Variants in TENM2 observed in about 807,000 individuals in gnomAD.
TENM2 encodes the protein teneurin transmembrane protein 2, also known as teneurin-2.
A neutral mutation model predicts 245.2 loss-of-function variants in TENM2; 52 were observed. That is an observed-to-expected ratio of 0.21 (90% CI 0.17 to 0.27). The LOEUF (loss-of-function observed/expected upper bound fraction) is 0.27, where lower values mean the gene tolerates loss of function less well. TENM2 is among the 10% of genes least tolerant of loss of function. TENM2 has a pLI of 1.00. For missense variants in TENM2, 3,046 were observed against 3,666.8 expected, an observed-to-expected ratio of 0.83 and a Z score of 4.37; for synonymous variants, 1,363 against 1,438.9, an observed-to-expected ratio of 0.95 and a Z score of 1.19.
chr5:167,682,185 C>A (rs1241481440), intron 2 of TENM2, among the ~76,000 whole-genome samples: 1 of 135,134 alleles, frequency 7.4e-6, no homozygotes, highest in Non-Finnish European at 1.6e-5. Flanking sequence ...TTCTTTTTTT[C>A]TTTCTTTTGC....
At chr5:167,060,119 A>G in the TENM2 span, among the ~76,000 whole-genome samples, 1 of 152,176 alleles carries the variant, frequency 6.6e-6, no homozygotes, top group Non-Finnish European at 1.5e-5. Flanking sequence ...GCACTGCAGC[A>G]ATGGATGTAT....
At chr5:167,792,396 T>C (rs1194943293) in intron 2 of TENM2, among the ~76,000 whole-genome samples, 2 of 151,954 alleles carry the variant, frequency 1.3e-5, no homozygotes, top group Non-Finnish European at 2.9e-5. Context: ...TGGGAGGAGA[T>C]TCTTTCTGCT....
chr5:167,664,306 C>G (rs1342387449), intron 2 of TENM2, among the ~76,000 whole-genome samples: 2 of 152,226 alleles, frequency 1.3e-5, no homozygotes, highest in African/African-American at 4.8e-5. Flanking sequence ...TTTTCTCCTT[C>G]TAGAATTCAG....
At chr5:168,241,449 A>G (rs1766096343) in intron 25 of TENM2, among the ~76,000 whole-genome samples, 2 of 147,318 alleles carry the variant, frequency 1.4e-5, no homozygotes, top group Admixed American at 6.8e-5. Context: ...TTTAGTAGAC[A>G]CAGGGTTTCA....
At chr5:168,110,346 C>G (rs1183320500) in intron 9 of TENM2, among the ~76,000 whole-genome samples, 1 of 152,132 alleles carries the variant, frequency 6.6e-6, no homozygotes, top group Non-Finnish European at 1.5e-5. Flanking sequence ...TGACTATGTG[C>G]CAGGCTCTGT....
intron 2 of TENM2, among the ~76,000 whole-genome samples, chr5:167,870,659 T>C (rs1381176498): frequency 1.3e-5 from 2 of 148,428 alleles, no homozygotes; most frequent in Non-Finnish European, 3.0e-5. Flanking sequence ...ATATATATAT[T>C]ACTAGAATAC....
chr5:167,115,494 T>C, the TENM2 span, among the ~76,000 whole-genome samples: 1 of 152,190 alleles, frequency 6.6e-6, no homozygotes, highest in East Asian at 1.9e-4. Flanking sequence ...AAGATTCAAA[T>C]TGTAAGTTCA....
intron 1 of TENM2, among the ~76,000 whole-genome samples, chr5:167,348,191 C>T (rs1226553461): frequency 6.6e-6 from 1 of 152,182 alleles, no homozygotes; most frequent in African/African-American, 2.4e-5. Flanking sequence ...TAAGAGAAAA[C>T]AGATTTACAA....
At chr5:167,938,868 G>A (rs1254065236) in intron 3 of TENM2, among the ~76,000 whole-genome samples, 1 of 151,772 alleles carries the variant, frequency 6.6e-6, no homozygotes, top group Non-Finnish European at 1.5e-5. Flanking sequence ...ACTTGAACCT[G>A]GGAGGCACAG....
rs35067759 is a variant in TENM2 at position 167,370,341 on chromosome 5, CAAAAAAAAAAA to C, written c.227-4837_227-4827del. ...TGGGCGACAGAGTGAGACTCCGTCT[CAAAAAAAAAAA>C]AAAAAAAAAAAAAAAAAAAGACGTG... On this transcript the variant is annotated intron_variant, in intron 1 of 28. Coordinates refer to ENST00000518659, the Ensembl canonical transcript of TENM2. Among the ~76,000 whole-genome samples, 16 of 73,496 alleles carry C rather than the reference CAAAAAAAAAAA, an allele frequency of 2.2e-4. No homozygotes were observed. In the East Asian group the frequency reaches 5.4e-3, roughly 25 times the overall value. The allele number at this position is 73,496 out of a possible 152,430, so 48.2% of individuals were successfully genotyped here.
the TENM2 span, among the ~76,000 whole-genome samples, chr5:167,052,782 CT>C: frequency 3.3e-5 from 5 of 150,350 alleles, no homozygotes; most frequent in African/African-American, 1.2e-4. Context: ...TTTTTTTCCC[CT>C]AAGTAAGCAT....
intron 5 of TENM2, among the ~76,000 whole-genome samples, chr5:168,022,092 C>T (rs747390184): frequency 1.3e-5 from 2 of 152,244 alleles, no homozygotes; most frequent in Non-Finnish European, 1.5e-5. Context: ...CAATATTGTA[C>T]TCCTGGTGGT....
intron 25 of TENM2, among the ~76,000 whole-genome samples, chr5:168,238,299 G>GAAAAGAA (rs1554230444): frequency 7.0e-6 from 1 of 143,144 alleles, no homozygotes; most frequent in Admixed American, 6.9e-5. Flanking sequence ...GAAAAGAAAA[G>GAAAAGAA]AAAAAATCCC....
chr5:167,511,581 T>C (rs754254774), intron 2 of TENM2, among the ~76,000 whole-genome samples: 4 of 152,174 alleles, frequency 2.6e-5, no homozygotes, highest in Non-Finnish European at 5.9e-5. Context: ...CAGAGAGAAA[T>C]TTACTTCTTA....
intron 7 of TENM2, among the ~76,000 whole-genome samples, chr5:168,086,043 C>T (rs80018365): frequency 0.089 from 13,514 of 152,248 alleles, 1,003 homozygotes; most frequent in East Asian, 0.33. Context: ...AGTCATCCCC[C>T]CTTTTTGGGG....
intron 23 of TENM2, among the ~76,000 whole-genome samples, chr5:168,225,566 G>C (rs1039540467): frequency 6.6e-6 from 1 of 152,108 alleles, no homozygotes; most frequent in Admixed American, 6.5e-5. Flanking sequence ...TTCGAGACCA[G>C]ATTGGCCAAC....
At chr5:167,860,260 C>T (rs1583210345) in intron 2 of TENM2, among the ~76,000 whole-genome samples, 5 of 130,992 alleles carry the variant, frequency 3.8e-5, no homozygotes, top group East Asian at 2.6e-4. Context: ...CCCCCCCGCC[C>T]GGCCAGCCGC....
At chr5:167,530,328 C>T (rs1771406112) in intron 2 of TENM2, among the ~76,000 whole-genome samples, 1 of 152,142 alleles carries the variant, frequency 6.6e-6, no homozygotes, top group Non-Finnish European at 1.5e-5. Flanking sequence ...GGGTGGGCCA[C>T]CTAAAAATTT....
chr5:167,998,367 T>A (rs1026335178), intron 5 of TENM2, among the ~76,000 whole-genome samples: 3 of 152,172 alleles, frequency 2.0e-5, no homozygotes, highest in African/African-American at 4.8e-5. Context: ...TTGGAATAGA[T>A]CTAGTTTCCT....
Sources: gnomAD v4.1 joint callset for allele counts (sites outside exome capture counted in the v4.1 genomes callset) on GRCh38, gnomAD v4.1.1 for gene constraint, MANE v1.5 for transcripts, NCBI Gene and HGNC (gene_info 2026-07-23, HGNC 2026-07-21) for gene names.